SPPL3: variants seen among roughly 807,000 people sequenced by gnomAD.
The protein encoded by SPPL3 is signal peptide peptidase-like 3.
Under a neutral mutation model 42.4 loss-of-function variants are expected in SPPL3, and 5 were observed. That is an observed-to-expected ratio of 0.12 (90% CI 0.06 to 0.25). The LOEUF (loss-of-function observed/expected upper bound fraction) is 0.25, where lower values mean the gene tolerates loss of function less well. Ranked by LOEUF, SPPL3 falls within the 10% of genes least tolerant of loss-of-function variation. The probability of loss-of-function intolerance (pLI) is 1.00; values close to 1 mark genes in which losing one functional copy is unlikely to be tolerated. For synonymous variants in SPPL3, 195 were observed against 181.8 expected (o/e 1.07, Z -0.58); for missense variants, 235 against 489.0 (o/e 0.48, Z 4.90).
In SPPL3 at chr12:120,772,676, G is replaced by T. The variant is rs80249811; in HGVS notation, c.503-3617C>A. On this transcript the variant is annotated intron_variant, in intron 6 of 10. Transcript: ENST00000353487. The stretch of plus-strand genomic sequence containing the variant: ...ATAAAGTGGATAAATACAGCAGCTT[G>T]GCAGACCCTGGACACATCAACTAAA... Among the ~76,000 whole-genome samples the T allele has an allele frequency of 6.8e-4, 104 of 152,278 alleles. 2 individuals are homozygous for T. In the East Asian group the frequency reaches 0.019, roughly 28 times the overall value.
chr12:120,864,569 C>T (rs1342460812), intron 1 of SPPL3, among the ~76,000 whole-genome samples: 1 of 152,132 alleles, frequency 6.6e-6, no homozygotes, highest in African/African-American at 2.4e-5. Context: ...GGGAAGTCAT[C>T]AAGCCCAAAA....
intron 5 of SPPL3, 50 bp downstream of exon 5, chr12:120,783,622 CAG>C (rs1292302372): frequency 1.3e-6 from 2 of 1,488,696 alleles, no homozygotes; most frequent in East Asian, 2.3e-5. Context: ...TCAAATATGA[CAG>C]AAAAATATAT....
At chr12:120,854,580 T>A (rs1442316465) in intron 1 of SPPL3, among the ~76,000 whole-genome samples, 1 of 152,124 alleles carries the variant, frequency 6.6e-6, no homozygotes, top group Non-Finnish European at 1.5e-5. Flanking sequence ...CAAAGCCAAA[T>A]ACATGTTAAA....
intron 3 of SPPL3, among the ~76,000 whole-genome samples, chr12:120,787,347 AGG>A (rs1462212461): frequency 6.6e-6 from 1 of 152,206 alleles, no homozygotes; most frequent in African/African-American, 2.4e-5. Context: ...ATAATTGGGC[AGG>A]GGTGTACATG....
intron 1 of SPPL3, among the ~76,000 whole-genome samples, chr12:120,859,709 C>G (rs979883335): frequency 1.3e-5 from 2 of 151,728 alleles, no homozygotes; most frequent in Non-Finnish European, 2.9e-5. Context: ...TCTGGGAGGT[C>G]GAGGCGGGTG....
chr12:120,767,360 C>T (rs373075115), intron 9 of SPPL3, 34 bp downstream of exon 9: 42 of 1,593,406 alleles, frequency 2.6e-5, no homozygotes, highest in South Asian at 3.3e-5. Context: ...ACAGCCAGAG[C>T]GAGGATCATC....
chr12:120,787,587 T>C (rs1869764802), intron 3 of SPPL3, among the ~76,000 whole-genome samples: 2 of 152,166 alleles, frequency 1.3e-5, no homozygotes, highest in Non-Finnish European at 2.9e-5. Flanking sequence ...AATTATTACA[T>C]ATTTAATACC....
intron 1 of SPPL3, among the ~76,000 whole-genome samples, chr12:120,890,439 A>G (rs920850752): frequency 6.6e-6 from 1 of 151,570 alleles, no homozygotes; most frequent in African/African-American, 2.4e-5. Flanking sequence ...AATACAAAAA[A>G]TTAGCTGGGC....
chr12:120,821,451 T>C (rs1405093933), intron 1 of SPPL3, among the ~76,000 whole-genome samples: 2 of 152,238 alleles, frequency 1.3e-5, no homozygotes, highest in Non-Finnish European at 2.9e-5. Context: ...ATTAGGCAAC[T>C]GGTTTCCTCG....
At chr12:120,894,816 G>A (rs187325347) in intron 1 of SPPL3, among the ~76,000 whole-genome samples, 1 of 152,184 alleles carries the variant, frequency 6.6e-6, no homozygotes, top group Admixed American at 6.5e-5. Context: ...GTGCGGTGGC[G>A]CATGCCTGTA....
intron 1 of SPPL3, among the ~76,000 whole-genome samples, chr12:120,813,323 T>A (rs1870748663): frequency 6.6e-6 from 1 of 151,514 alleles, no homozygotes; most frequent in South Asian, 2.1e-4. Flanking sequence ...CTCAGCTTTT[T>A]TTTTTTTTTT....
At chr12:120,888,358 G>A (rs1005855120) in intron 1 of SPPL3, among the ~76,000 whole-genome samples, 15 of 152,150 alleles carry the variant, frequency 9.9e-5, no homozygotes, top group African/African-American at 3.1e-4. Context: ...TTACAGGCAT[G>A]AGCCACCACA....
intron 6 of SPPL3, among the ~76,000 whole-genome samples, chr12:120,777,692 A>G (rs1035817941): frequency 2.0e-5 from 3 of 152,218 alleles, no homozygotes; most frequent in Non-Finnish European, 2.9e-5. Flanking sequence ...ACAAATCACA[A>G]GCTACTGAAA....
chr12:120,872,757 G>T (rs889440975), intron 1 of SPPL3, among the ~76,000 whole-genome samples: 1 of 152,082 alleles, frequency 6.6e-6, no homozygotes, highest in African/African-American at 2.4e-5. Flanking sequence ...AAAGCACGGG[G>T]CCTTAGAAGG....
chr12:120,767,317 T>C, intron 9 of SPPL3, 77 bp downstream of exon 9: 1 of 1,470,774 alleles, frequency 6.8e-7, no homozygotes, highest in Non-Finnish European at 9.3e-7. Flanking sequence ...TAACTGTAGC[T>C]AGAAGACCTG....
At chr12:120,766,438 C>T in intron 9 of SPPL3, 66 bp from the exon 10 acceptor site, 1 of 1,291,338 alleles carries the variant, frequency 7.7e-7, no homozygotes, top group East Asian at 2.5e-5. Flanking sequence ...TGCTGCTGGG[C>T]AAAGTCCTGC....
intron 6 of SPPL3, among the ~76,000 whole-genome samples, chr12:120,775,926 A>T (rs1216582892): frequency 6.6e-6 from 1 of 152,222 alleles, no homozygotes; most frequent in Admixed American, 6.5e-5. Flanking sequence ...GCCACCAAAT[A>T]TCACTGCTTA....
intron 2 of SPPL3, among the ~76,000 whole-genome samples, chr12:120,802,433 T>A (rs1857685): frequency 0.02 from 1,871 of 91,910 alleles, 22 homozygotes; most frequent in East Asian, 0.059. Context: ...ATATATATAT[T>A]TTTTTTTTTT....
At chr12:120,779,639 A>AGAT (rs1000724972) in intron 6 of SPPL3, among the ~76,000 whole-genome samples, 5 of 152,044 alleles carry the variant, frequency 3.3e-5, no homozygotes, top group African/African-American at 9.7e-5. Context: ...AAATTTTTTG[A>AGAT]GATTACAAAA....
Sources: gnomAD v4.1 joint callset for allele counts (sites outside exome capture counted in the v4.1 genomes callset) on GRCh38, gnomAD v4.1.1 for gene constraint, MANE v1.5 for transcripts, NCBI Gene and HGNC (gene_info 2026-07-23, HGNC 2026-07-21) for gene names.